The following UBTD1 variants were observed in gnomAD, a reference collection of about 807,000 sequenced individuals.
UBTD1 encodes ubiquitin domain containing 1, also known as ubiquitin domain-containing protein 1.
In UBTD1, 19 loss-of-function variants were observed where a neutral mutation model predicts 21.7. The ratio of observed to expected loss-of-function variants is 0.87; its 90% confidence interval spans 0.61 to 1.28. The LOEUF is 1.28. UBTD1 is among the 50% of genes most tolerant of loss of function. The pLI is 0.00. For missense variants in UBTD1, 282 were observed against 315.1 expected, an observed-to-expected ratio of 0.89 and a Z score of 0.80; for synonymous variants, 116 against 135.1, an observed-to-expected ratio of 0.86 and a Z score of 0.98.
At chr10:97,519,344 C>T (rs1255588746) in intron 1 of UBTD1, among the ~76,000 whole-genome samples, 1 of 152,212 alleles carries the variant, frequency 6.6e-6, no homozygotes, top group Non-Finnish European at 1.5e-5. Flanking sequence ...ACGACATTAT[C>T]CTTGCAAATA....
intron 1 of UBTD1, among the ~76,000 whole-genome samples, chr10:97,545,968 A>G (rs566434718): frequency 5.3e-5 from 8 of 152,270 alleles, no homozygotes; most frequent in Middle Eastern, 3.4e-3. Context: ...TATTTTTAGT[A>G]GAGATGGGGT....
chr10:97,499,834 T>C (rs1177178008), intron 1 of UBTD1, among the ~76,000 whole-genome samples: 1 of 152,200 alleles, frequency 6.6e-6, no homozygotes, highest in Non-Finnish European at 1.5e-5. Flanking sequence ...TCTGGGAGTC[T>C]ATAAAAGATG....
intron 1 of UBTD1, among the ~76,000 whole-genome samples, chr10:97,535,968 A>AATTT (rs2040558199): frequency 1.1e-5 from 1 of 90,164 alleles, no homozygotes; most frequent in African/African-American, 3.4e-5. Flanking sequence ...GTTGGAGAGA[A>AATTT]ATTATTATTA....
rs187344497 is a variant in UBTD1 at position 97,535,394 on chromosome 10, T to C, written c.71-32520T>C. On this transcript the variant is annotated intron_variant, in intron 1 of 2. Transcript: ENST00000370664. ...ACTTTGGGAGGCCAAGGCGGGCAGA[T>C]CACGAGATCAGGAAATTGAGACCAT... Among the ~76,000 whole-genome samples the C allele has an allele frequency of 4.3e-4, 65 of 152,228 alleles. 1 individual carries two copies. The highest frequency in any genetic ancestry group is 1.4e-3 in the African/African-American group (60 of 41,542).
At chr10:97,558,668 G>C (rs537449528) in intron 1 of UBTD1, among the ~76,000 whole-genome samples, 12 of 151,564 alleles carry the variant, frequency 7.9e-5, no homozygotes, top group African/African-American at 1.9e-4. Context: ...CTCATGAAAA[G>C]CTCTTGCTGT....
At chr10:97,558,282 A>G (rs1323356622) in intron 1 of UBTD1, among the ~76,000 whole-genome samples, 1 of 152,090 alleles carries the variant, frequency 6.6e-6, no homozygotes, top group Admixed American at 6.5e-5. Context: ...TGCAAACTTC[A>G]ATGGTTATGC....
chr10:97,568,601 T>C (rs1388875060), intron 2 of UBTD1, among the ~76,000 whole-genome samples: 1 of 151,648 alleles, frequency 6.6e-6, no homozygotes, highest in East Asian at 2.0e-4. Context: ...TTCGTATTTT[T>C]AGTAGAGACG....
intron 1 of UBTD1, among the ~76,000 whole-genome samples, chr10:97,502,416 C>G (rs942152098): frequency 3.3e-5 from 5 of 152,112 alleles, no homozygotes; most frequent in Non-Finnish European, 7.4e-5. Context: ...GCCTAAAACT[C>G]CCCCAGCGCC....
intron 1 of UBTD1, among the ~76,000 whole-genome samples, chr10:97,557,395 A>G (rs2040669677): frequency 6.6e-6 from 1 of 151,962 alleles, no homozygotes; most frequent in African/African-American, 2.4e-5. Context: ...GTGATTATCA[A>G]TTCTAAAAGG....
At position 97,570,377 on chromosome 10, in the gene UBTD1, G is replaced by A. The variant is rs896860549; in HGVS notation, c.538G>A (p.Ala180Thr). 12 of 1,613,222 alleles carry A rather than the reference G, an allele frequency of 7.4e-6. No individual in the cohort carries two copies. Among genetic ancestry groups the A allele is most frequent in the African/African-American group, 1.3e-5 (1 of 74,946 alleles). ...GGGGCAGCTCAAGAGGCAGCTGCAC[G>A]CCCAGGAGGGCATCGAGCCATCGTG... ...TVGQLKRQLHAQEGIEPSWQR... is the reference protein window; with the variant it reads ...TVGQLKRQLHTQEGIEPSWQR... The change falls in exon 3 of 3, where the codon GCC becomes ACC. Residue 180 changes from alanine to threonine, a missense_variant. Ala to Thr is a moderately conservative substitution (Grantham distance 58, BLOSUM62 0). Coordinates refer to ENST00000370664, the MANE Select transcript of UBTD1 (RefSeq NM_024954.5). The surrounding 1 kb of genome is among the most constrained non-coding windows in gnomAD (Gnocchi z 6.6).
At chr10:97,565,736 C>A in intron 1 of UBTD1, among the ~76,000 whole-genome samples, 1 of 152,022 alleles carries the variant, frequency 6.6e-6, no homozygotes, top group East Asian at 1.9e-4. Flanking sequence ...GACAGGGTCT[C>A]ACTTTGTCAC....
At chr10:97,559,311 G>T (rs2040680812) in intron 1 of UBTD1, among the ~76,000 whole-genome samples, 1 of 152,214 alleles carries the variant, frequency 6.6e-6, no homozygotes, top group Non-Finnish European at 1.5e-5. Flanking sequence ...GGACAATCAG[G>T]GCCTCTGGCC....
intron 1 of UBTD1, among the ~76,000 whole-genome samples, chr10:97,499,818 C>T (rs2040336183): frequency 6.6e-6 from 1 of 152,222 alleles, no homozygotes; most frequent in African/African-American, 2.4e-5. Context: ...TAGAGCCTCT[C>T]GGCCGTCTGG....
Position 97,521,002 on chromosome 10 carries a change from C to A in UBTD1, c.70+21729C>A, listed in dbSNP as rs151194544. Among the ~76,000 whole-genome samples, 1,366 of 152,230 alleles carry A rather than the reference C, an allele frequency of 9.0e-3. 32 individuals carry two copies. The highest frequency in any genetic ancestry group is 0.075 in the East Asian group (390 of 5,166). ...CACAATGTTCTATAAAGAGAGAGGA[C>A]CACTAGGAGGGCAGGAGGGAGAGAG... On this transcript the variant is annotated intron_variant, in intron 1 of 2. Transcript: ENST00000370664.
At chr10:97,520,654 C>T (rs562331073) in intron 1 of UBTD1, among the ~76,000 whole-genome samples, 166 of 152,190 alleles carry the variant, frequency 1.1e-3, no homozygotes, top group Non-Finnish European at 1.2e-3. Context: ...CTGAGGGAGC[C>T]GTGTTTGTCT....
chr10:97,527,445 T>TTTTATTTA (rs36005101), intron 1 of UBTD1, among the ~76,000 whole-genome samples: 63 of 149,642 alleles, frequency 4.2e-4, no homozygotes, highest in South Asian at 2.9e-3. Flanking sequence ...TGCCCTTCTT[T>TTTTATTTA]TTTATTTATT....
intron 1 of UBTD1, among the ~76,000 whole-genome samples, chr10:97,560,923 T>TCAAAACCAAAAC (rs71007353): frequency 6.6e-6 from 1 of 150,846 alleles, no homozygotes; most frequent in Non-Finnish European, 1.5e-5. Flanking sequence ...CCAAGCCAGG[T>TCAAAACCAAAAC]CAAAACCAAA....
intron 1 of UBTD1, among the ~76,000 whole-genome samples, chr10:97,528,330 G>A (rs1163099062): frequency 1.5e-5 from 2 of 137,908 alleles, no homozygotes; most frequent in East Asian, 2.2e-4. Context: ...CCCGGACGGG[G>A]CGGCTCGCCT....
At chr10:97,561,752 G>T (rs1039699043) in intron 1 of UBTD1, among the ~76,000 whole-genome samples, 4 of 152,156 alleles carry the variant, frequency 2.6e-5, no homozygotes, top group Admixed American at 6.5e-5. Context: ...TTCTTAAAAT[G>T]GGTACTGAGT....
Sources: gnomAD v4.1 joint callset for allele counts (sites outside exome capture counted in the v4.1 genomes callset) on GRCh38, gnomAD v4.1.1 for gene constraint, Gnocchi (gnomAD v3.1) non-coding constraint, MANE v1.5 for transcripts, NCBI Gene and HGNC (gene_info 2026-07-23, HGNC 2026-07-21) for gene names.